Variants in PRKDC observed in about 807,000 individuals in gnomAD.
The protein encoded by PRKDC is protein kinase, DNA-activated, catalytic subunit, also known as DNA-dependent protein kinase catalytic subunit.
PRKDC carries 82 observed loss-of-function variants against 486.9 expected under a neutral mutation model. That is an observed-to-expected ratio of 0.17 (90% CI 0.14 to 0.20). The LOEUF (loss-of-function observed/expected upper bound fraction) is 0.20. Among genes scored for constraint, PRKDC ranks in the 10% least tolerant of loss-of-function variants. The pLI is 1.00. For missense variants in PRKDC, 4,504 were observed against 5,038.2 expected, an observed-to-expected ratio of 0.89 and a Z score of 3.21; for synonymous variants, 1,895 against 1,837.0, an observed-to-expected ratio of 1.03 and a Z score of -0.81.
rs1371955472 is a variant in PRKDC at position 47,840,079 on chromosome 8, T to C, written c.7391A>G (p.His2464Arg). 6.4e-7 allele frequency: 1 copy of C among 1,569,340 alleles called. No homozygotes were observed. The highest frequency in any genetic ancestry group is 1.3e-5 in the African/African-American group (1 of 74,236). ...TTGTTCCCTACATGTTGTAGAAGGATGGGAAACGAATTCCACAACGGGGTT... is the reference window on the plus strand; with the variant it reads ...TTGTTCCCTACATGTTGTAGAAGGACGGGAAACGAATTCCACAACGGGGTT... ...LLNPVVEFVSHPSTTCREQMY... is the reference protein window; with the variant it reads ...LLNPVVEFVSRPSTTCREQMY... Residue 2464 changes from histidine to arginine, a missense_variant, in exon 55 of 86, where the codon CAT becomes CGT. Physicochemically the swap from His to Arg is conservative, Grantham distance 29. Transcript: ENST00000314191.
intron 38 of PRKDC, among the ~76,000 whole-genome samples, chr8:47,880,733 C>T (rs1331460118): frequency 1.3e-5 from 2 of 151,984 alleles, no homozygotes; most frequent in East Asian, 3.8e-4. Flanking sequence ...GTTAATTCAT[C>T]CAAATATGAT....
intron 64 of PRKDC, 96 bp from the exon 65 acceptor site, chr8:47,821,888 C>T (rs1321735246): frequency 9.1e-7 from 1 of 1,101,266 alleles, no homozygotes; most frequent in Admixed American, 3.3e-5. Context: ...ACACTAAAAA[C>T]AATCCTTTTC....
In PRKDC at chr8:47,893,268, T is replaced by A. The variant is rs749522685; in HGVS notation, c.3718A>T (p.Thr1240Ser). The A allele has an allele frequency of 6.2e-7, 1 of 1,611,838 alleles. No individual in the cohort carries two copies. Among genetic ancestry groups the A allele is most frequent in the Admixed American group, 1.7e-5 (1 of 59,728 alleles). ...AATGGCCCCCGAAGGTACAAGAGGG[T>A]GGGCTGGGCCAGGATGCCCGAGGGC... ...GQPSGILAQP[T>S]LLYLRGPFSL... is the part of the protein sequence containing the mutation. The change falls in exon 31 of 86, where the codon ACC (threonine) becomes TCC (serine). Residue 1240 changes from threonine to serine, a missense_variant. This residue lies in a region of PRKDC where 1,969 missense variants were observed against 2,068.9 expected (regional missense o/e 0.95). Coordinates refer to ENST00000314191, the MANE Select transcript of PRKDC (RefSeq NM_006904.7).
intron 5 of PRKDC, 136 bp from the exon 6 acceptor site, chr8:47,954,055 T>A (rs1333003939): frequency 3.7e-6 from 2 of 546,246 alleles, no homozygotes; most frequent in Admixed American, 7.1e-5. Context: ...AATATAAAGC[T>A]TTTAGGACTG....
intron 14 of PRKDC, among the ~76,000 whole-genome samples, chr8:47,934,674 T>C (rs1263130433): frequency 1.3e-5 from 2 of 152,248 alleles, no homozygotes; most frequent in Non-Finnish European, 2.9e-5. Context: ...CGTACATAGT[T>C]CAATCTTTCA....
chr8:47,892,281 T>C lies in PRKDC; in HGVS notation c.3847+858A>G, dbSNP rs1408904507. Among the ~76,000 whole-genome samples, 2 of 152,194 alleles carry C rather than the reference T, an allele frequency of 1.3e-5. 1 individual carries two copies. The highest frequency in any genetic ancestry group is 4.8e-5 in the African/African-American group (2 of 41,440). Reference sequence around the variant, plus strand: ...CCAAAATTTTTATTATATTTGTTGTTGTGGCAGTAAAAAATGTAATGTGCA... The same window carrying C: ...CCAAAATTTTTATTATATTTGTTGTCGTGGCAGTAAAAAATGTAATGTGCA... On this transcript the variant is annotated intron_variant, in intron 31 of 85. Coordinates refer to ENST00000314191, the MANE Select transcript of PRKDC (RefSeq NM_006904.7).
intron 40 of PRKDC, among the ~76,000 whole-genome samples, chr8:47,866,523 C>CA (rs746236114): frequency 1.3e-5 from 2 of 152,052 alleles, no homozygotes; most frequent in Non-Finnish European, 2.9e-5. Flanking sequence ...ATAAAAAGAG[C>CA]AAAGACCTAA....
chr8:47,917,987 G>A (rs1219378404), intron 22 of PRKDC, among the ~76,000 whole-genome samples: 1 of 152,142 alleles, frequency 6.6e-6, no homozygotes, highest in Non-Finnish European at 1.5e-5. Context: ...TGGGGCCACA[G>A]GCATGCGCCA....
chr8:47,781,617 A>G (rs1412331360), intron 80 of PRKDC, among the ~76,000 whole-genome samples: 1 of 152,220 alleles, frequency 6.6e-6, no homozygotes, highest in Non-Finnish European at 1.5e-5. Context: ...TGTGGTTAAA[A>G]TGTACATGTT....
chr8:47,898,575 C>T lies in PRKDC; in HGVS notation c.3365-6G>A, dbSNP rs770312949. ...ACAACACTGTTGAATTGTACCTGTT[C>T]TCAAGTACAGAGACATATTTCCAAA... On this transcript the variant is annotated splice_polypyrimidine_tract_variant and splice_region_variant and intron_variant, in intron 28 of 85. Transcript: ENST00000314191. The T allele has an allele frequency of 7.2e-7, 1 of 1,393,598 alleles. No homozygotes were observed. Among genetic ancestry groups the T allele is most frequent in the South Asian group, 1.8e-5 (1 of 54,162 alleles). The allele number at this position is 1,393,598 out of a possible 1,614,324, so 86.3% of individuals were successfully genotyped here.
chr8:47,854,984 G>A (rs1291590079), intron 50 of PRKDC, among the ~76,000 whole-genome samples: 2 of 152,188 alleles, frequency 1.3e-5, no homozygotes, highest in African/African-American at 2.4e-5. Context: ...ACGGAAGGTA[G>A]TGCCCCTCCC....
chr8:47,796,867 C>T (rs770549607), intron 73 of PRKDC, among the ~76,000 whole-genome samples: 1 of 152,198 alleles, frequency 6.6e-6, no homozygotes, highest in Non-Finnish European at 1.5e-5. Context: ...GGTGAGATTA[C>T]AGGCGTGAGC....
At chr8:47,885,601 A>C (rs574368680) in intron 36 of PRKDC, among the ~76,000 whole-genome samples, 1 of 152,266 alleles carries the variant, frequency 6.6e-6, no homozygotes, top group South Asian at 2.1e-4. Context: ...GGATTATATA[A>C]GAAAATATTG....
chr8:47,939,648 T>G lies in PRKDC; in HGVS notation c.1016A>C (p.Gln339Pro). 1 of 1,611,190 alleles carries G rather than the reference T, an allele frequency of 6.2e-7. No individual in the cohort carries two copies. Among genetic ancestry groups the G allele is most frequent in the Non-Finnish European group, 8.5e-7 (1 of 1,178,366 alleles). Residue 339 changes from glutamine to proline, a missense_variant, in exon 11 of 86, where the codon CAG becomes CCG. Coordinates refer to ENST00000314191, the MANE Select transcript of PRKDC (RefSeq NM_006904.7). ...TCCATAAAACTGCTCCATAAAGTACTGCAGTTTATTTTTATGCATTTCTGC... is the reference window on the plus strand; with the variant it reads ...TCCATAAAACTGCTCCATAAAGTACGGCAGTTTATTTTTATGCATTTCTGC... Reference protein sequence around the residue: ...KNAEMHKNKLQYFMEQFYGII... With the variant: ...KNAEMHKNKLPYFMEQFYGII...
At position 47,834,208 on chromosome 8, in the gene PRKDC, T is replaced by C. The variant is rs779345306; in HGVS notation, c.8140A>G (p.Asn2714Asp). ...CAACCCAGCTTACCTTTCACTTTGT[T>C]ATCCACCTCGTCCCCTGGAAGGCCC... is the stretch of plus-strand genomic sequence containing the variant. Reference protein sequence around the residue: ...RLGLPGDEVDNKVKGAAGRTD... With the variant: ...RLGLPGDEVDDKVKGAAGRTD... The change falls in exon 59 of 86, where the codon AAC becomes GAC. Residue 2714 changes from asparagine to aspartate, a missense_variant. Asn to Asp is a conservative substitution (Grantham distance 23). This residue lies in a region of PRKDC where 1,592 missense variants were observed against 1,724.6 expected (regional missense o/e 0.92). Transcript: ENST00000314191. 29 of 1,613,940 alleles carry C rather than the reference T, an allele frequency of 1.8e-5. No homozygotes were observed. In the South Asian group the frequency reaches 3.0e-4, roughly 16 times the overall value.
At chr8:47,859,872 C>T (rs1242629511) in intron 45 of PRKDC, 113 bp from the exon 46 acceptor site, 1 of 1,117,674 alleles carries the variant, frequency 8.9e-7, no homozygotes, top group Non-Finnish European at 1.3e-6. Flanking sequence ...CTAAGGTTTT[C>T]ATCAAGCCAG....
chr8:47,905,187 A>T (rs1417552622), intron 25 of PRKDC, among the ~76,000 whole-genome samples: 1 of 152,012 alleles, frequency 6.6e-6, no homozygotes, highest in Non-Finnish European at 1.5e-5. Context: ...CACCACACCC[A>T]GTTAACTTAA....
chr8:47,935,913 A>G lies in PRKDC; in HGVS notation c.1279-13T>C. 16 of 1,608,410 alleles carry G rather than the reference A, an allele frequency of 9.9e-6. No homozygotes were observed. Among genetic ancestry groups the G allele is most frequent in the Non-Finnish European group, 1.3e-5 (15 of 1,176,396 alleles). On this transcript the variant is annotated splice_polypyrimidine_tract_variant and intron_variant, in intron 12 of 85. Transcript: ENST00000314191. ...ACACCTCAGGAACCTACCGGAAATA[A>G]TCAGCAAACCGTGAGTTAGAGGAGG...
intron 23 of PRKDC, 94 bp from the exon 24 acceptor site, chr8:47,914,158 T>G: frequency 9.1e-7 from 1 of 1,100,090 alleles, no homozygotes; most frequent in Non-Finnish European, 1.2e-6. Context: ...ATGCCAGCTG[T>G]TCTACATTCT....
Sources: gnomAD v4.1 joint callset for allele counts (sites outside exome capture counted in the v4.1 genomes callset) on GRCh38, gnomAD v4.1.1 for gene constraint, gnomAD v4.1.1 regional missense constraint, MANE v1.5 for transcripts, NCBI Gene and HGNC (gene_info 2026-07-23, HGNC 2026-07-21) for gene names.